Variants in NELL1 observed in about 807,000 individuals in gnomAD.
NELL1 encodes the protein protein kinase C-binding protein NELL1.
NELL1 carries 76 observed loss-of-function variants against 107.4 expected under a neutral mutation model. The ratio of observed to expected loss-of-function variants is 0.71; its 90% CI spans 0.59 to 0.86. The LOEUF is 0.86. NELL1 is among the 40% of genes least tolerant of loss of function. The pLI is 0.00. For synonymous variants in NELL1, 353 were observed against 341.2 expected, an observed-to-expected ratio of 1.03 and a Z score of -0.38; for missense variants, 1,024 against 1,005.5, an observed-to-expected ratio of 1.02 and a Z score of -0.25.
intron 14 of NELL1, among the ~76,000 whole-genome samples, chr11:21,261,062 T>C (rs1848519854): frequency 6.6e-6 from 1 of 151,840 alleles, no homozygotes. Context: ...AGCAACTGTA[T>C]TCAGTTATCA....
intron 13 of NELL1, among the ~76,000 whole-genome samples, chr11:21,208,571 C>T (rs910829411): frequency 2.0e-5 from 3 of 152,046 alleles, no homozygotes; most frequent in African/African-American, 7.2e-5. Context: ...CCCCTCCTCC[C>T]CACTTTCCTC....
intron 10 of NELL1, among the ~76,000 whole-genome samples, chr11:20,944,837 T>A (rs1222928693): frequency 6.6e-6 from 1 of 152,222 alleles, no homozygotes; most frequent in Non-Finnish European, 1.5e-5. Flanking sequence ...TCATTAAATA[T>A]GTTAAAGGTT....
At chr11:21,094,994 G>A (rs778260409) in intron 12 of NELL1, among the ~76,000 whole-genome samples, 3 of 151,940 alleles carry the variant, frequency 2.0e-5, no homozygotes, top group Non-Finnish European at 4.4e-5. Context: ...TCACATTTTC[G>A]GGCTGCAAAT....
intron 13 of NELL1, among the ~76,000 whole-genome samples, chr11:21,202,284 A>G (rs1370176561): frequency 6.6e-6 from 1 of 152,178 alleles, no homozygotes; most frequent in East Asian, 1.9e-4. Flanking sequence ...TAGGCTATTA[A>G]TTACTGCTTC....
chr11:21,129,491 G>A (rs77461213), intron 13 of NELL1, among the ~76,000 whole-genome samples: 26,107 of 152,188 alleles, frequency 0.17, 2,651 homozygotes, highest in Middle Eastern at 0.31. Context: ...TGACAATAAA[G>A]TGTGGAAGTA....
chr11:21,361,262 T>A (rs1443800176), intron 14 of NELL1, among the ~76,000 whole-genome samples: 1 of 12,156 alleles, frequency 8.2e-5, no homozygotes, highest in African/African-American at 1.5e-4. Flanking sequence ...TGTGACAATT[T>A]TTTTTTTTTT....
intron 14 of NELL1, among the ~76,000 whole-genome samples, chr11:21,329,908 T>C (rs1850233471): frequency 6.6e-6 from 1 of 152,186 alleles, no homozygotes; most frequent in Admixed American, 6.6e-5. Context: ...ACATGTTACA[T>C]CTATATGTTA....
chr11:21,218,476 ATTTC>A (rs371149478), intron 13 of NELL1, among the ~76,000 whole-genome samples: 5 of 152,254 alleles, frequency 3.3e-5, no homozygotes, highest in African/African-American at 1.2e-4. Context: ...AATATTTATC[ATTTC>A]TTTGTGTTAG....
intron 3 of NELL1, among the ~76,000 whole-genome samples, chr11:20,794,210 G>C (rs1329256974): frequency 1.3e-5 from 2 of 152,156 alleles, no homozygotes; most frequent in Non-Finnish European, 2.9e-5. Context: ...CTAGCATTGT[G>C]CCAAGGATGA....
intron 16 of NELL1, among the ~76,000 whole-genome samples, chr11:21,551,153 G>T (rs981122049): frequency 2.0e-5 from 3 of 151,088 alleles, no homozygotes; most frequent in East Asian, 3.9e-4. Context: ...GTCTGTTATT[G>T]GTGTATAAGA....
intron 14 of NELL1, among the ~76,000 whole-genome samples, chr11:21,295,283 A>C (rs550332083): frequency 1.3e-5 from 2 of 152,066 alleles, no homozygotes; most frequent in Non-Finnish European, 2.9e-5. Context: ...TACTAAAGCT[A>C]TCTCTCAAAA....
intron 4 of NELL1, among the ~76,000 whole-genome samples, chr11:20,878,496 A>G (rs938854833): frequency 6.7e-6 from 1 of 148,652 alleles, no homozygotes; most frequent in Admixed American, 6.6e-5. Context: ...CAAATTTTCT[A>G]TCTCTATCTC....
At chr11:20,801,575 A>C (rs970976641) in intron 3 of NELL1, among the ~76,000 whole-genome samples, 1 of 152,044 alleles carries the variant, frequency 6.6e-6, no homozygotes, top group Non-Finnish European at 1.5e-5. Context: ...GAGGTTTTTT[A>C]ACTTTATGTA....
At chr11:21,134,902 A>T (rs1855709902) in intron 13 of NELL1, among the ~76,000 whole-genome samples, 2 of 152,204 alleles carry the variant, frequency 1.3e-5, no homozygotes, top group Non-Finnish European at 2.9e-5. Flanking sequence ...CTGAAGTTTA[A>T]TCTCTCATTT....
intron 14 of NELL1, among the ~76,000 whole-genome samples, chr11:21,301,737 C>A (rs568515532): frequency 6.6e-6 from 1 of 152,140 alleles, no homozygotes; most frequent in Admixed American, 6.6e-5. Flanking sequence ...TGTGCAGAAG[C>A]TCTTTAGTTT....
chr11:21,188,553 C>G (rs1480099330), intron 13 of NELL1, among the ~76,000 whole-genome samples: 1 of 151,674 alleles, frequency 6.6e-6, no homozygotes, highest in Non-Finnish European at 1.5e-5. Context: ...GTCCACAAGG[C>G]TGTTATTTAG....
chr11:21,403,582 A>G (rs1383459441), intron 15 of NELL1, among the ~76,000 whole-genome samples: 1 of 144,078 alleles, frequency 6.9e-6, no homozygotes, highest in African/African-American at 2.6e-5. Context: ...CTTCTAGTGA[A>G]TATAAAAGAC....
intron 2 of NELL1, among the ~76,000 whole-genome samples, chr11:20,736,500 A>G (rs1478775703): frequency 6.6e-6 from 1 of 152,146 alleles, no homozygotes; most frequent in Non-Finnish European, 1.5e-5. Flanking sequence ...CTTTAAGTTC[A>G]AGAATCATCT....
chr11:21,030,457 A>G (rs895486602), intron 12 of NELL1, among the ~76,000 whole-genome samples: 1 of 152,128 alleles, frequency 6.6e-6, no homozygotes, highest in African/African-American at 2.4e-5. Context: ...AACTTGGGTA[A>G]CTGGAGTCTT....
Sources: gnomAD v4.1 joint callset for allele counts (sites outside exome capture counted in the v4.1 genomes callset) on GRCh38, gnomAD v4.1.1 for gene constraint, MANE v1.5 for transcripts, NCBI Gene and HGNC (gene_info 2026-07-23, HGNC 2026-07-21) for gene names.